EFCAB8: variants seen among roughly 807,000 people sequenced by gnomAD.
The protein encoded by EFCAB8 is EF-hand calcium binding domain 8, also known as EF-hand calcium-binding domain-containing protein 8.
A neutral mutation model predicts 116.3 loss-of-function variants in EFCAB8; 100 were observed. The observed-to-expected ratio is 0.86, with a 90% confidence interval of 0.73 to 1.02. EFCAB8 has a LOEUF of 1.02. EFCAB8 is among the 50% of genes least tolerant of loss of function. EFCAB8 has a pLI of 0.00. For synonymous variants in EFCAB8, 558 were observed against 567.9 expected, an observed-to-expected ratio of 0.98 and a Z score of 0.25; for missense variants, 1,320 against 1,416.9, an observed-to-expected ratio of 0.93 and a Z score of 1.10.
Position 32,876,054 on chromosome 20 carries a change from G to A in EFCAB8, c.327+10G>A, listed in dbSNP as rs1482464467. The A allele has an allele frequency of 6.4e-7, 1 of 1,550,730 alleles. No homozygotes were observed. Among genetic ancestry groups the A allele is most frequent in the Admixed American group, 2.0e-5 (1 of 51,008 alleles). On this transcript the variant is annotated intron_variant, in intron 4 of 26. Coordinates refer to ENST00000400522, the MANE Select transcript of EFCAB8 (RefSeq NM_001143967.2). Reference sequence around the variant, plus strand: ...AGGCTTTGTCACCTGGGTGAGGAGGGTGCCCCTGCTTCCTCAGGTGCTGGA... The same window carrying A: ...AGGCTTTGTCACCTGGGTGAGGAGGATGCCCCTGCTTCCTCAGGTGCTGGA...
At chr20:32,951,006 A>G (rs1252844302) in intron 23 of EFCAB8, among the ~76,000 whole-genome samples, 3 of 152,342 alleles carry the variant, frequency 2.0e-5, no homozygotes, top group Middle Eastern at 3.4e-3. Flanking sequence ...ATATTTATTC[A>G]TTAGAAGAGA....
At chr20:32,921,678 A>G (rs2146262776) in intron 20 of EFCAB8, among the ~76,000 whole-genome samples, 1 of 149,506 alleles carries the variant, frequency 6.7e-6, no homozygotes, top group East Asian at 1.9e-4. Context: ...TTCGCTGCTA[A>G]CAGGTTGGTT....
intron 1 of EFCAB8, among the ~76,000 whole-genome samples, chr20:32,861,052 T>G (rs1306247674): frequency 6.6e-6 from 1 of 152,164 alleles, no homozygotes; most frequent in Non-Finnish European, 1.5e-5. Flanking sequence ...CGTGCTTTTC[T>G]TATTAGTACT....
At chr20:32,922,041 C>A (rs1987483977) in intron 20 of EFCAB8, among the ~76,000 whole-genome samples, 1 of 152,044 alleles carries the variant, frequency 6.6e-6, no homozygotes, top group Admixed American at 6.5e-5. Flanking sequence ...GTTGGCCAGG[C>A]TGGTCTTGAA....
At chr20:32,954,570 G>A (rs1419039322) in intron 23 of EFCAB8, among the ~76,000 whole-genome samples, 1 of 152,014 alleles carries the variant, frequency 6.6e-6, no homozygotes, top group Non-Finnish European at 1.5e-5. Context: ...AGATGTTTTT[G>A]TTCTCTAATA....
chr20:32,906,820 T>C (rs1196536241), intron 12 of EFCAB8, 23 bp from the exon 13 acceptor site: 3 of 1,222,284 alleles, frequency 2.5e-6, no homozygotes, highest in Admixed American at 2.0e-5. Flanking sequence ...CCCCTGGGAC[T>C]GACACCCACG....
intron 3 of EFCAB8, among the ~76,000 whole-genome samples, chr20:32,868,136 C>G (rs1366315943): frequency 1.3e-5 from 2 of 152,022 alleles, no homozygotes; most frequent in Non-Finnish European, 2.9e-5. Context: ...GTGGTCCAGG[C>G]TCGTCTGGGA....
At chr20:32,924,821 G>C (rs552086466) in intron 20 of EFCAB8, among the ~76,000 whole-genome samples, 84 of 150,420 alleles carry the variant, frequency 5.6e-4, no homozygotes, top group Non-Finnish European at 7.0e-4. Flanking sequence ...TGGCAGGGCT[G>C]TGTGTGTGTG....
At chr20:32,933,756 A>G (rs1294125936) in intron 22 of EFCAB8, among the ~76,000 whole-genome samples, 1 of 152,194 alleles carries the variant, frequency 6.6e-6, no homozygotes, top group African/African-American at 2.4e-5. Flanking sequence ...AGGCGGGCAG[A>G]TCACCTGAGG....
At chr20:32,922,185 G>A (rs1456962753) in intron 20 of EFCAB8, among the ~76,000 whole-genome samples, 2 of 152,184 alleles carry the variant, frequency 1.3e-5, no homozygotes, top group Non-Finnish European at 2.9e-5. Flanking sequence ...ATCAGGAACT[G>A]TGAAGCTGGT....
intron 6 of EFCAB8, 129 bp from the exon 7 acceptor site, chr20:32,889,172 G>C: frequency 1.4e-6 from 1 of 702,808 alleles, no homozygotes; most frequent in Non-Finnish European, 2.4e-6. Context: ...ACTAGACTTA[G>C]TGGTAGTGCT....
intron 22 of EFCAB8, among the ~76,000 whole-genome samples, chr20:32,939,981 C>A (rs1988338665): frequency 7.0e-6 from 1 of 143,762 alleles, no homozygotes; most frequent in South Asian, 2.2e-4. Context: ...AGGCATGAGC[C>A]ACTGTGCCTG....
intron 19 of EFCAB8, among the ~76,000 whole-genome samples, chr20:32,919,087 G>A (rs11696923): frequency 0.061 from 9,269 of 152,246 alleles, 288 homozygotes; most frequent in African/African-American, 0.08. Context: ...TCTATTTTGC[G>A]GGGAGTAGGG....
chr20:32,918,263 G>A (rs1987280904), intron 18 of EFCAB8, 99 bp from the exon 19 acceptor site: 2 of 1,224,212 alleles, frequency 1.6e-6, no homozygotes, highest in African/African-American at 1.5e-5. Context: ...AGCCCTGGGG[G>A]GCTGGAGGGC....
chr20:32,904,593 C>G (rs2146232893), intron 11 of EFCAB8, among the ~76,000 whole-genome samples: 1 of 148,480 alleles, frequency 6.7e-6, no homozygotes, highest in East Asian at 2.0e-4. Flanking sequence ...GCCACCACAC[C>G]TGAATGGAGC....
chr20:32,883,706 T>A (rs1183507715), intron 5 of EFCAB8, among the ~76,000 whole-genome samples: 2 of 152,112 alleles, frequency 1.3e-5, no homozygotes, highest in African/African-American at 4.8e-5. Context: ...CTTTTTTTTT[T>A]TGGAGACGGA....
At chr20:32,913,391 A>G (rs1027373929) in intron 17 of EFCAB8, among the ~76,000 whole-genome samples, 2 of 152,122 alleles carry the variant, frequency 1.3e-5, no homozygotes, top group Non-Finnish European at 2.9e-5. Context: ...TGAGGGCTCC[A>G]TTTTTGTGAC....
At chr20:32,913,525 CCTT>C (rs1987039406) in intron 17 of EFCAB8, among the ~76,000 whole-genome samples, 1 of 152,146 alleles carries the variant, frequency 6.6e-6, no homozygotes, top group Admixed American at 6.5e-5. Context: ...AAATTCATGT[CCTT>C]CTCTCATGCA....
chr20:32,912,992 T>G (rs1215017588), intron 17 of EFCAB8, 128 bp downstream of exon 17: 5 of 631,230 alleles, frequency 7.9e-6, no homozygotes, highest in African/African-American at 5.5e-5. Flanking sequence ...GGTTAATGAC[T>G]ATTGCTTCAT....
Sources: allele counts gnomAD v4.1 joint callset (sites outside exome capture counted in the v4.1 genomes callset), GRCh38; gene constraint gnomAD v4.1.1; transcripts MANE v1.5; gene names NCBI Gene and HGNC (gene_info 2026-07-23, HGNC 2026-07-21).